The following GRXCR1 variants were observed in gnomAD, a reference collection of about 807,000 sequenced individuals.
GRXCR1 encodes glutaredoxin domain-containing cysteine-rich protein 1.
A neutral mutation model predicts 27.3 loss-of-function variants in GRXCR1; 27 were observed. The observed-to-expected ratio is 0.99, with a 90% CI of 0.73 to 1.37. The LOEUF (loss-of-function observed/expected upper bound fraction) is 1.37. GRXCR1 is among the 40% of genes most tolerant of loss of function. The probability of loss-of-function intolerance (pLI) is 0.00; values close to 1 mark genes in which losing one functional copy is unlikely to be tolerated. For synonymous variants in GRXCR1, 122 were observed against 131.1 expected (o/e 0.93, Z 0.47); for missense variants, 379 against 354.4 (o/e 1.07, Z -0.56).
intron 1 of GRXCR1, among the ~76,000 whole-genome samples, chr4:42,912,974 C>G (rs1049403406): frequency 8.5e-5 from 13 of 152,078 alleles, no homozygotes; most frequent in Non-Finnish European, 1.3e-4. Context: ...GAGGGGTTTC[C>G]CTTTTCACTT....
chr4:42,963,372 A>G (rs529475295), intron 2 of GRXCR1, among the ~76,000 whole-genome samples: 1 of 152,158 alleles, frequency 6.6e-6, no homozygotes, highest in Non-Finnish European at 1.5e-5. Context: ...GAATAGAAAT[A>G]AATGTTTAAA....
intron 3 of GRXCR1, among the ~76,000 whole-genome samples, chr4:43,027,208 G>A (rs1163640474): frequency 6.6e-6 from 1 of 152,122 alleles, no homozygotes; most frequent in Non-Finnish European, 1.5e-5. Flanking sequence ...GCAATGTGCT[G>A]TTCACCTCCC....
chr4:42,973,890 C>G (rs569961596), intron 2 of GRXCR1, among the ~76,000 whole-genome samples: 2 of 152,160 alleles, frequency 1.3e-5, no homozygotes, highest in Non-Finnish European at 2.9e-5. Context: ...GATGCACACT[C>G]AGTAAACATT....
intron 1 of GRXCR1, 72 bp downstream of exon 1, chr4:42,893,722 G>C (rs1199688923): frequency 3.5e-6 from 5 of 1,440,798 alleles, no homozygotes; most frequent in Non-Finnish European, 4.8e-6. Context: ...CAGTTCTCCA[G>C]TTAAAGCAAG....
intron 2 of GRXCR1, among the ~76,000 whole-genome samples, chr4:42,988,655 G>A (rs1374171468): frequency 6.6e-6 from 1 of 152,078 alleles, no homozygotes; most frequent in Non-Finnish European, 1.5e-5. Context: ...TTAGTATTTT[G>A]AAGTGGCTAA....
At chr4:43,026,373 A>C (rs913081460) in intron 3 of GRXCR1, among the ~76,000 whole-genome samples, 9 of 152,278 alleles carry the variant, frequency 5.9e-5, no homozygotes, top group Admixed American at 2.0e-4. Context: ...TATTCTTATT[A>C]GAATAATAAA....
At chr4:42,922,359 C>T (rs1747034572) in intron 1 of GRXCR1, among the ~76,000 whole-genome samples, 1 of 152,042 alleles carries the variant, frequency 6.6e-6, no homozygotes, top group African/African-American at 2.4e-5. Flanking sequence ...TGTGGTCAGC[C>T]TAGTTGACAT....
intron 1 of GRXCR1, among the ~76,000 whole-genome samples, chr4:42,938,682 T>C (rs936968441): frequency 6.6e-6 from 1 of 152,024 alleles, no homozygotes; most frequent in African/African-American, 2.4e-5. Flanking sequence ...TTTTTGTATA[T>C]GGTGAGAGAT....
intron 2 of GRXCR1, among the ~76,000 whole-genome samples, chr4:43,010,581 A>G (rs1712716401): frequency 6.6e-6 from 1 of 152,102 alleles, no homozygotes; most frequent in Non-Finnish European, 1.5e-5. Flanking sequence ...AAAAGAAAGA[A>G]TGAAGAATGG....
At chr4:42,977,789 T>G (rs1748559097) in intron 2 of GRXCR1, among the ~76,000 whole-genome samples, 4 of 152,070 alleles carry the variant, frequency 2.6e-5, no homozygotes, top group Admixed American at 2.0e-4. Flanking sequence ...TTTTGTCTTG[T>G]GCAGATGTTT....
chr4:42,966,834 A>G (rs1239138580), intron 2 of GRXCR1, among the ~76,000 whole-genome samples: 2 of 152,072 alleles, frequency 1.3e-5, no homozygotes, highest in East Asian at 3.9e-4. Flanking sequence ...GGTCATCTGC[A>G]TATCTTATTT....
intron 2 of GRXCR1, among the ~76,000 whole-genome samples, chr4:42,984,034 C>T (rs974984528): frequency 7.9e-5 from 12 of 151,936 alleles, no homozygotes; most frequent in African/African-American, 2.9e-4. Flanking sequence ...TGGGTTTTTG[C>T]CATGTTGGCC....
chr4:42,983,740 C>T (rs2109786665), intron 2 of GRXCR1, among the ~76,000 whole-genome samples: 1 of 152,044 alleles, frequency 6.6e-6, no homozygotes, highest in East Asian at 1.9e-4. Context: ...GCCATAAATC[C>T]TGTTAACTTT....
chr4:43,004,562 G>A (rs188553324), intron 2 of GRXCR1, among the ~76,000 whole-genome samples: 1 of 152,322 alleles, frequency 6.6e-6, no homozygotes, highest in African/African-American at 2.4e-5. Context: ...AGAGTGACAG[G>A]GGTGGAACTG....
At chr4:42,966,099 T>A (rs1008531310) in intron 2 of GRXCR1, among the ~76,000 whole-genome samples, 1 of 151,934 alleles carries the variant, frequency 6.6e-6, no homozygotes, top group Non-Finnish European at 1.5e-5. Context: ...TACTCCACAG[T>A]GGGGGGCAGG....
intron 1 of GRXCR1, among the ~76,000 whole-genome samples, chr4:42,957,816 T>C (rs1298161209): frequency 2.0e-5 from 3 of 151,856 alleles, no homozygotes; most frequent in East Asian, 1.9e-4. Flanking sequence ...ATTTATCTGA[T>C]AGAATTCTGA....
chr4:42,893,174 G>A lies in GRXCR1; in HGVS notation c.-93G>A, dbSNP rs1022703165. ...TTTCACAGGAGTGCTGCCATCACTA[G>A]AATTGGCTCTGATATTGCTATCTGG... On this transcript the variant is annotated 5_prime_UTR_variant, in exon 1 of 4. An upstream open reading frame in the 5' UTR loses its in-frame stop. Transcript: ENST00000399770. 3.6e-6 allele frequency: 5 copies of A among 1,394,816 alleles called. No homozygotes were observed. In the Admixed American group the frequency reaches 6.7e-5, roughly 19 times the overall value. 86.4% of individuals were successfully genotyped at this position (1,394,816 alleles called of 1,614,324 possible). A position where few individuals can be genotyped will look rare whatever the true frequency, so the allele number is the denominator to read the frequency against.
In GRXCR1 at chr4:42,944,400, A is replaced by G. The variant is rs142537865; in HGVS notation, c.385-18492A>G. Among the ~76,000 whole-genome samples, 383 of 152,210 alleles carry G rather than the reference A, an allele frequency of 2.5e-3. 3 individuals carry two copies. The highest frequency in any genetic ancestry group is 9.0e-3 in the African/African-American group (372 of 41,546). Reference sequence around the variant, plus strand: ...ATGATAGCTTTATGCAATCAAATAGATGAATCTTCATGGGAGGAAATTCAT... The same window carrying G: ...ATGATAGCTTTATGCAATCAAATAGGTGAATCTTCATGGGAGGAAATTCAT... On this transcript the variant is annotated intron_variant, in intron 1 of 3. Coordinates refer to ENST00000399770, the MANE Select transcript of GRXCR1 (RefSeq NM_001080476.3).
chr4:42,929,858 A>T (rs1392185451), intron 1 of GRXCR1, among the ~76,000 whole-genome samples: 1 of 151,982 alleles, frequency 6.6e-6, no homozygotes, highest in South Asian at 2.1e-4. Context: ...CCCTCTGTGC[A>T]TGTATTATCT....
Sources: gnomAD v4.1 joint callset for allele counts (sites outside exome capture counted in the v4.1 genomes callset) on GRCh38, gnomAD v4.1.1 for gene constraint, MANE v1.5 for transcripts, NCBI Gene and HGNC (gene_info 2026-07-23, HGNC 2026-07-21) for gene names.